Variants in RSU1 observed in about 807,000 individuals in gnomAD.
The protein encoded by RSU1 is rsu-1.
In RSU1, 26 loss-of-function variants were observed where a neutral mutation model predicts 31.1. The ratio of observed to expected loss-of-function variants is 0.84; its 90% CI spans 0.61 to 1.16. RSU1 has a LOEUF of 1.16. Among genes scored for constraint, RSU1 ranks in the 50% most tolerant of loss-of-function variants. The probability of loss-of-function intolerance (pLI) is 0.00; values close to 1 mark genes in which losing one functional copy is unlikely to be tolerated. For synonymous variants in RSU1, 164 were observed against 136.3 expected (o/e 1.20, Z -1.41); for missense variants, 320 against 339.1 (o/e 0.94, Z 0.44).
At chr10:16,795,221 G>A (rs1172980269) in intron 2 of RSU1, among the ~76,000 whole-genome samples, 1 of 151,960 alleles carries the variant, frequency 6.6e-6, no homozygotes, top group African/African-American at 2.4e-5. Context: ...AAGTGTGATG[G>A]TGGGTGCCTG....
At chr10:16,763,423 G>C (rs961197254) in intron 4 of RSU1, among the ~76,000 whole-genome samples, 1 of 152,160 alleles carries the variant, frequency 6.6e-6, no homozygotes, top group Non-Finnish European at 1.5e-5. Flanking sequence ...ACAGCACAAG[G>C]GGGGAGGTGC....
intron 7 of RSU1, among the ~76,000 whole-genome samples, chr10:16,747,355 C>A (rs956377591): frequency 6.6e-6 from 1 of 152,206 alleles, no homozygotes; most frequent in African/African-American, 2.4e-5. Context: ...CTATCGCCTT[C>A]TCAATGAGAC....
intron 7 of RSU1, among the ~76,000 whole-genome samples, chr10:16,738,237 C>G (rs979055500): frequency 1.3e-5 from 2 of 152,128 alleles, no homozygotes; most frequent in African/African-American, 2.4e-5. Flanking sequence ...ATGATGTCAG[C>G]AGATCGAGAC....
intron 4 of RSU1, among the ~76,000 whole-genome samples, chr10:16,756,860 T>C (rs571818124): frequency 7.1e-6 from 1 of 141,508 alleles, no homozygotes; most frequent in African/African-American, 2.7e-5. Context: ...TGATGTTATG[T>C]GTATGTGTAT....
At chr10:16,781,971 C>T (rs947621897) in intron 3 of RSU1, 63 bp downstream of exon 3, 2 of 1,360,492 alleles carry the variant, frequency 1.5e-6, no homozygotes, top group African/African-American at 2.9e-5. Context: ...CAGTAACAGA[C>T]TCAGCAGTGC....
Position 16,592,282 on chromosome 10 carries a change from CA to C in RSU1, c.*1111del, listed in dbSNP as rs1833519457. The C allele has an allele frequency of 6.6e-6, 1 of 152,186 alleles. No homozygotes were observed. The highest frequency in any genetic ancestry group is 6.5e-5 in the Admixed American group (1 of 15,278). 9.4% of individuals were successfully genotyped at this position (152,186 alleles called of 1,614,324 possible). A position where few individuals can be genotyped will look rare whatever the true frequency, so the allele number is the denominator to read the frequency against. On this transcript the variant is annotated 3_prime_UTR_variant, in exon 9 of 9. Transcript: ENST00000345264. ...GAAAAGACGGTGCATCTTCACATAC[CA>C]TTTTTTTTGTGTCGGCCTTCTGGGG...
At position 16,669,373 on chromosome 10, in the gene RSU1, T is replaced by TCCC. The variant is rs771659861; in HGVS notation, c.731+25647_731+25649dup. On this transcript the variant is annotated intron_variant, in intron 8 of 8. Coordinates refer to ENST00000345264, the MANE Select transcript of RSU1 (RefSeq NM_012425.4). ...TGAAATTAACATTTTCTGTTTTTTT[T>TCCC]CCCCCCCCAAAGCACCATACTGCTT... 3.9e-3 allele frequency among the ~76,000 whole-genome samples: 591 copies of TCCC among 150,762 alleles called. 2 individuals are homozygous for TCCC. Among genetic ancestry groups the TCCC allele is most frequent in the African/African-American group, 0.012 (474 of 40,936 alleles).
intron 7 of RSU1, among the ~76,000 whole-genome samples, chr10:16,702,425 T>C (rs755458411): frequency 7.2e-5 from 11 of 152,146 alleles, no homozygotes; most frequent in South Asian, 2.1e-4. Flanking sequence ...GCCAGCCCAA[T>C]AGAGCAGTCA....
intron 2 of RSU1, among the ~76,000 whole-genome samples, chr10:16,787,465 C>G (rs996154525): frequency 1.3e-5 from 2 of 152,140 alleles, no homozygotes; most frequent in African/African-American, 4.8e-5. Context: ...AATGCTCCCC[C>G]GCAGGCCACC....
intron 8 of RSU1, among the ~76,000 whole-genome samples, chr10:16,601,147 C>A (rs1194728654): frequency 6.6e-6 from 1 of 152,126 alleles, no homozygotes; most frequent in African/African-American, 2.4e-5. Context: ...CCTCATCAGC[C>A]CACTGGGACA....
At chr10:16,792,499 G>A (rs370715970) in intron 2 of RSU1, among the ~76,000 whole-genome samples, 1 of 152,170 alleles carries the variant, frequency 6.6e-6, no homozygotes, top group Non-Finnish European at 1.5e-5. Flanking sequence ...CCAAAGCGCT[G>A]GGATTACAGG....
At chr10:16,597,506 C>A (rs1268472666) in intron 8 of RSU1, among the ~76,000 whole-genome samples, 2 of 152,100 alleles carry the variant, frequency 1.3e-5, no homozygotes, top group East Asian at 3.9e-4. Flanking sequence ...TGTTTGCCTC[C>A]CTCTCCGTGC....
At chr10:16,744,692 AG>A (rs1381904054) in intron 7 of RSU1, among the ~76,000 whole-genome samples, 1 of 152,224 alleles carries the variant, frequency 6.6e-6, no homozygotes, top group East Asian at 1.9e-4. Flanking sequence ...CTTTTTACAC[AG>A]AACAACCAGA....
At chr10:16,722,010 C>T (rs1184028556) in intron 7 of RSU1, among the ~76,000 whole-genome samples, 1 of 152,184 alleles carries the variant, frequency 6.6e-6, no homozygotes, top group African/African-American at 2.4e-5. Flanking sequence ...TAGTAGTTCT[C>T]TCTTATCCGT....
intron 7 of RSU1, among the ~76,000 whole-genome samples, chr10:16,702,125 T>C (rs74228739): frequency 0.016 from 2,390 of 152,280 alleles, 27 homozygotes; most frequent in East Asian, 0.066. Flanking sequence ...CTTGGGCAAA[T>C]CCCAGAGTGA....
intron 2 of RSU1, among the ~76,000 whole-genome samples, chr10:16,808,485 G>GAAAAAAAAAA (rs34449677): frequency 1.1e-5 from 1 of 89,616 alleles, no homozygotes; most frequent in Non-Finnish European, 2.3e-5. Context: ...CTCCATTTAA[G>GAAAAAAAAAA]AAAAAAAAAA....
chr10:16,812,749 C>A (rs1838434488), intron 2 of RSU1, among the ~76,000 whole-genome samples: 1 of 151,844 alleles, frequency 6.6e-6, no homozygotes, highest in South Asian at 2.1e-4. Flanking sequence ...CCAGAGAGGG[C>A]AATACACTTG....
intron 7 of RSU1, among the ~76,000 whole-genome samples, chr10:16,702,415 G>A (rs561873014): frequency 3.3e-5 from 5 of 152,346 alleles, no homozygotes; most frequent in East Asian, 1.9e-4. Flanking sequence ...GGCACTCAAC[G>A]CCAGCCCAAT....
At chr10:16,651,102 T>C (rs1451429504) in intron 8 of RSU1, among the ~76,000 whole-genome samples, 1 of 152,204 alleles carries the variant, frequency 6.6e-6, no homozygotes, top group African/African-American at 2.4e-5. Context: ...TACTATGAAA[T>C]AGTTTAAAAC....
Sources: gnomAD v4.1 joint callset for allele counts (sites outside exome capture counted in the v4.1 genomes callset) on GRCh38, gnomAD v4.1.1 for gene constraint, MANE v1.5 for transcripts, NCBI Gene and HGNC (gene_info 2026-07-23, HGNC 2026-07-21) for gene names.